ZNF675: variants seen among roughly 807,000 people sequenced by gnomAD.
ZNF675 encodes the protein zinc finger protein 675.
In ZNF675, 36 loss-of-function variants were observed where a neutral mutation model predicts 56.1. The ratio of observed to expected loss-of-function variants is 0.64; its 90% CI spans 0.49 to 0.85. ZNF675 has a LOEUF of 0.85. ZNF675 is among the 40% of genes least tolerant of loss of function. The probability of loss-of-function intolerance (pLI) is 0.00; values close to 1 mark genes in which losing one functional copy is unlikely to be tolerated. For missense variants in ZNF675, 663 were observed against 654.2 expected (o/e 1.01, Z -0.15); for synonymous variants, 200 against 218.9 (o/e 0.91, Z 0.76).
rs981543591 is a variant in ZNF675, at chr19:23,687,137, C to T, written c.-104G>A. ...ACCTCTAGGAGCAGAGGACACAGAG[C>T]AATGAAAGCGAGACCTGGAGCTCCG... On this transcript the variant is annotated 5_prime_UTR_variant, in exon 1 of 4. Transcript: ENST00000359788. 1.4e-6 allele frequency: 2 copies of T among 1,450,016 alleles called. No individual in the cohort carries two copies. The highest frequency in any genetic ancestry group is 3.7e-5 in the Admixed American group (2 of 54,108). The allele number at this position is 1,450,016 out of a possible 1,614,324, so 89.8% of individuals were successfully genotyped here. A position where few individuals can be genotyped will look rare whatever the true frequency, so the allele number is the denominator to read the frequency against.
intron 1 of ZNF675, among the ~76,000 whole-genome samples, chr19:23,676,977 G>A (rs942404399): frequency 4.7e-5 from 7 of 148,812 alleles, no homozygotes; most frequent in African/African-American, 1.5e-4. Context: ...GGGAGGCTGA[G>A]GCAAGAGAAT....
intron 1 of ZNF675, among the ~76,000 whole-genome samples, chr19:23,666,705 AG>A (rs1353204617): frequency 6.6e-6 from 1 of 150,554 alleles, no homozygotes; most frequent in Non-Finnish European, 1.5e-5. Flanking sequence ...GCAGGAGAGG[AG>A]GTAGGCCCAA....
intron 1 of ZNF675, among the ~76,000 whole-genome samples, chr19:23,674,464 G>C (rs1425541155): frequency 6.6e-6 from 1 of 150,856 alleles, no homozygotes; most frequent in Non-Finnish European, 1.5e-5. Flanking sequence ...CCAACATGGG[G>C]AAACCACATC....
chr19:23,679,129 T>C (rs1486595920), intron 1 of ZNF675, among the ~76,000 whole-genome samples: 1 of 125,212 alleles, frequency 8.0e-6, no homozygotes, highest in African/African-American at 3.2e-5. Context: ...ATCGTGCCAC[T>C]GCACTCCAGC....
At chr19:23,669,782 G>C (rs1480380118) in intron 1 of ZNF675, among the ~76,000 whole-genome samples, 1 of 151,812 alleles carries the variant, frequency 6.6e-6, no homozygotes, top group African/African-American at 2.4e-5. Flanking sequence ...GAATCCAGGA[G>C]GCAGAGGTTG....
intron 3 of ZNF675, 115 bp downstream of exon 3, chr19:23,661,999 A>T: frequency 1.3e-6 from 1 of 770,480 alleles, no homozygotes; most frequent in South Asian, 1.6e-5. Flanking sequence ...GCTTTCCAGA[A>T]ATTATTTCCT....
intron 1 of ZNF675, among the ~76,000 whole-genome samples, chr19:23,679,434 C>T (rs1377456888): frequency 6.6e-6 from 1 of 151,466 alleles, no homozygotes. Context: ...ATAAAAAACT[C>T]TGGAAGATAA....
chr19:23,676,841 G>T (rs1351180618), intron 1 of ZNF675, among the ~76,000 whole-genome samples: 1 of 150,762 alleles, frequency 6.6e-6, no homozygotes, highest in Admixed American at 6.6e-5. Flanking sequence ...TTGGGAGGCC[G>T]AGGTGGGTGG....
In ZNF675 at chr19:23,653,114, G is replaced by T; in HGVS notation, c.*112C>A. The T allele has an allele frequency of 1.0e-6, 1 of 986,840 alleles. No individual in the cohort carries two copies. Among genetic ancestry groups the T allele is most frequent in the Non-Finnish European group, 1.5e-6 (1 of 684,798 alleles). The allele number at this position is 986,840 out of a possible 1,614,324, so 61.1% of individuals were successfully genotyped here. On this transcript the variant is annotated 3_prime_UTR_variant, in exon 4 of 4. Transcript: ENST00000359788. ...CAGTATGAATTATCTTACATACAAT[G>T]AAGTGTGAAAACCATTTAAAGTCTT...
chr19:23,663,366 C>A (rs1300528710), intron 1 of ZNF675, among the ~76,000 whole-genome samples: 4 of 152,100 alleles, frequency 2.6e-5, no homozygotes, highest in Non-Finnish European at 2.9e-5. Context: ...AGCCACAACA[C>A]CAGTGTATAT....
At chr19:23,672,212 C>A (rs1417018084) in intron 1 of ZNF675, among the ~76,000 whole-genome samples, 1 of 143,436 alleles carries the variant, frequency 7.0e-6, no homozygotes, top group African/African-American at 2.6e-5. Context: ...TACTCTACTC[C>A]AGTTAGTTAG....
intron 1 of ZNF675, among the ~76,000 whole-genome samples, chr19:23,665,523 T>C (rs946260727): frequency 6.6e-6 from 1 of 151,810 alleles, no homozygotes; most frequent in African/African-American, 2.4e-5. Flanking sequence ...TGTGATGGAG[T>C]GTCGCTCTGT....
At chr19:23,670,887 CG>C (rs1224195042) in intron 1 of ZNF675, among the ~76,000 whole-genome samples, 3 of 152,068 alleles carry the variant, frequency 2.0e-5, no homozygotes, top group Non-Finnish European at 2.9e-5. Context: ...CACCAGGAAG[CG>C]GATGGATTAT....
In ZNF675 at chr19:23,687,091, T is replaced by A. The variant is rs1433298805; in HGVS notation, c.-58A>T. 2.5e-6 allele frequency: 4 copies of A among 1,607,314 alleles called. No homozygotes were observed. The highest frequency in any genetic ancestry group is 1.7e-6 in the Non-Finnish European group (2 of 1,174,638). On this transcript the variant is annotated 5_prime_UTR_variant, in exon 1 of 4. Coordinates refer to ENST00000359788, the MANE Select transcript of ZNF675 (RefSeq NM_138330.3). ...CTGTGGATCTCTCAATTTCTGCAGGTCACAGGCCCACAGAGGCTGGACCTC... is the reference window on the plus strand; with the variant it reads ...CTGTGGATCTCTCAATTTCTGCAGGACACAGGCCCACAGAGGCTGGACCTC...
At chr19:23,665,467 A>G (rs1026909899) in intron 1 of ZNF675, among the ~76,000 whole-genome samples, 2 of 151,908 alleles carry the variant, frequency 1.3e-5, no homozygotes, top group African/African-American at 4.8e-5. Flanking sequence ...CTGCAGACTT[A>G]GGGTTCATGA....
At chr19:23,661,396 GA>G (rs796960654) in intron 3 of ZNF675, among the ~76,000 whole-genome samples, 104 of 17,940 alleles carry the variant, frequency 5.8e-3, no homozygotes, top group African/African-American at 0.012. Context: ...GTAGAAAAAT[GA>G]AAAAAAAAAA....
Position 23,654,521 on chromosome 19 carries a change from T to C in ZNF675, c.412A>G (p.Thr138Ala), listed in dbSNP as rs780941955. The C allele has an allele frequency of 2.2e-5, 35 of 1,605,424 alleles. No homozygotes were observed. The highest frequency in any genetic ancestry group is 2.7e-5 in the Non-Finnish European group (32 of 1,176,044). The change falls in exon 4 of 4, where the codon ACT (threonine) becomes GCT (alanine). Residue 138 changes from threonine (T) to alanine (A), a missense_variant. Physicochemically the swap from Thr to Ala is moderately conservative, Grantham distance 58 (BLOSUM62 0). Transcript: ENST00000359788. Reference sequence around the variant, plus strand: ...CATTGAAACATTTTGCTCTGCATAGTTGGTAAACATTGGTTAAGTCCATTA... The same window carrying C: ...CATTGAAACATTTTGCTCTGCATAGCTGGTAAACATTGGTTAAGTCCATTA... ...GYNGLNQCLP[T>A]MQSKMFQCDK... is the part of the protein sequence containing the mutation.
At chr19:23,683,355 A>G (rs1968401407) in intron 1 of ZNF675, among the ~76,000 whole-genome samples, 1 of 150,872 alleles carries the variant, frequency 6.6e-6, no homozygotes, top group African/African-American at 2.5e-5. Context: ...AAGAGGAACT[A>G]TGTTTTCATG....
intron 1 of ZNF675, among the ~76,000 whole-genome samples, chr19:23,677,250 T>G (rs1026010522): frequency 5.1e-5 from 7 of 136,080 alleles, no homozygotes; most frequent in Non-Finnish European, 1.1e-4. Context: ...CTATCCCGGG[T>G]GCAGATGACA....
Sources: gnomAD v4.1 joint callset for allele counts (sites outside exome capture counted in the v4.1 genomes callset) on GRCh38, gnomAD v4.1.1 for gene constraint, MANE v1.5 for transcripts, NCBI Gene and HGNC (gene_info 2026-07-23, HGNC 2026-07-21) for gene names.